Variants in SLC5A2 observed in about 807,000 individuals in gnomAD.
The protein encoded by SLC5A2 is sodium/glucose cotransporter 2.
SLC5A2 carries 67 observed loss-of-function variants against 69.0 expected under a neutral mutation model. The observed-to-expected ratio is 0.97, with a 90% CI of 0.80 to 1.19. The LOEUF (loss-of-function observed/expected upper bound fraction) is 1.19. Among genes scored for constraint, SLC5A2 ranks in the 50% most tolerant of loss-of-function variants. The pLI is 0.00. For synonymous variants in SLC5A2, 455 were observed against 395.8 expected, an observed-to-expected ratio of 1.15 and a Z score of -1.78; for missense variants, 1,001 against 921.5, an observed-to-expected ratio of 1.09 and a Z score of -1.12.
At position 31,488,053 on chromosome 16, in the gene SLC5A2, T is replaced by G; in HGVS notation, c.901T>G (p.Cys301Gly). 6.2e-7 allele frequency: 1 copy of G among 1,613,762 alleles called. No homozygotes were observed. Among genetic ancestry groups the G allele is most frequent in the Non-Finnish European group, 8.5e-7 (1 of 1,179,934 alleles). The change falls in exon 8 of 14, where the codon TGC becomes GGC. Residue 301 changes from cysteine to glycine, a missense_variant. By Grantham distance (159) the Cys-to-Gly change is radical. Transcript: ENST00000330498. ...WCSDQVIVQR[C>G]LAGKSLTHIK... is the part of the protein sequence containing the mutation. ...CCTCCCGTAGGTCATCGTGCAGCGC[T>G]GCCTGGCCGGGAAGAGCCTGACCCA...
chr16:31,486,041 G>A lies in SLC5A2; in HGVS notation c.469-129G>A, dbSNP rs565465676. ...AGAGCCTGCAATGAATGTCTCCGGG[G>A]CACCAGCTACAGTGCTGGGACCTGG... is the stretch of plus-strand genomic sequence containing the variant. On this transcript the variant is annotated intron_variant, in intron 4 of 13. Transcript: ENST00000330498. 7 of 1,185,742 alleles carry A rather than the reference G, an allele frequency of 5.9e-6. No individual in the cohort carries two copies. The Admixed American group carries it at 8.7e-5, about 15-fold the overall frequency. 73.5% of individuals were successfully genotyped at this position (1,185,742 alleles called of 1,614,324 possible). A position where few individuals can be genotyped will look rare whatever the true frequency, so the allele number is the denominator to read the frequency against.
Position 31,489,202 on chromosome 16 carries a change from G to C in SLC5A2, c.1529G>C (p.Ser510Thr), listed in dbSNP as rs1431779583. Residue 510 changes from serine (S) to threonine (T), a missense_variant, in exon 12 of 14, where the codon AGC (serine) becomes ACC (threonine). Transcript: ENST00000330498. ...LIPEFSFGSG[S>T]CVQPSACPAF... ...CCCGAGTTCTCCTTCGGCTCGGGCAGCTGTGTGCAGCCCTCGGCGTGCCCA... is the reference window on the plus strand; with the variant it reads ...CCCGAGTTCTCCTTCGGCTCGGGCACCTGTGTGCAGCCCTCGGCGTGCCCA... The C allele has an allele frequency of 6.2e-7, 1 of 1,610,242 alleles. No individual in the cohort carries two copies. Among genetic ancestry groups the C allele is most frequent in the East Asian group, 2.2e-5 (1 of 44,886 alleles).
At chr16:31,487,886 G>T in intron 7 of SLC5A2, 127 bp downstream of exon 7, 1 of 1,403,408 alleles carries the variant, frequency 7.1e-7, no homozygotes, top group Non-Finnish European at 9.7e-7. Context: ...CCCTCGGGTT[G>T]GTGCTAAACC....
intron 5 of SLC5A2, 31 bp downstream of exon 5, chr16:31,486,306 GC>G (rs1299788959): frequency 6.5e-7 from 1 of 1,530,012 alleles, no homozygotes; most frequent in Non-Finnish European, 9.1e-7. Context: ...AAGGGAGTGG[GC>G]CTGGGACACT....
intron 13 of SLC5A2, 37 bp from the exon 14 acceptor site, chr16:31,490,272 T>A (rs780719227): frequency 6.2e-7 from 1 of 1,613,790 alleles, no homozygotes; most frequent in South Asian, 1.1e-5. Context: ...GGAGCTGAGT[T>A]CCCGCAAACT....
In SLC5A2 at chr16:31,488,385, G is replaced by T. The variant is rs750695233; in HGVS notation, c.1024G>T (p.Glu342Ter). The T allele has an allele frequency of 1.2e-6, 2 of 1,611,164 alleles. No individual in the cohort carries two copies. The highest frequency in any genetic ancestry group is 1.3e-5 in the African/African-American group (1 of 74,936). ...GCGCGGTGGCCTCTCTCTGGCAGAC[G>T]AGGTGGCGTGCGTGGTGCCTGAGGT... Reference protein sequence around the residue: ...GMISRILYPDEVACVVPEVCR... With the variant: ...GMISRILYPD The change falls in exon 9 of 14, where the codon GAG becomes TAG. Residue 342 changes from glutamate to a stop codon, truncating the protein, a stop_gained and splice_region_variant. Transcript: ENST00000330498. LOFTEE classifies it high-confidence loss of function.
rs188105101 is a variant in SLC5A2 at position 31,487,663 on chromosome 16, C to T, written c.789C>T (p.Tyr263=). ...GCTATCGACCCCGGCCCGACTCCTA[C>T]CACCTGCTCCGGCACCCCGTGACCG... ...SFCYRPRPDS[Y]HLLRHPVTGD... is the part of the protein sequence containing the mutation. The change falls in exon 7 of 14, where the codon TAC becomes TAT. Residue 263 remains tyrosine, a synonymous_variant. Coordinates refer to ENST00000330498, the MANE Select transcript of SLC5A2 (RefSeq NM_003041.4). 3.9e-5 allele frequency: 63 copies of T among 1,613,774 alleles called. No individual in the cohort carries two copies. The African/African-American group carries it at 4.4e-4, about 11-fold the overall frequency.
At chr16:31,490,252 T>C in intron 13 of SLC5A2, 22 bp downstream of exon 13, 3 of 1,613,786 alleles carry the variant, frequency 1.9e-6, no homozygotes, top group Middle Eastern at 1.7e-4. Context: ...TGCTGGGAGG[T>C]GGGGCTGGAG....
intron 7 of SLC5A2, 90 bp downstream of exon 7, chr16:31,487,849 C>T (rs2082511324): frequency 6.9e-7 from 1 of 1,443,640 alleles, no homozygotes; most frequent in Non-Finnish European, 9.4e-7. Context: ...CCACAACGGT[C>T]TAAGGCGCAG....
chr16:31,483,563 C>T (rs1032415289), intron 1 of SLC5A2, among the ~76,000 whole-genome samples: 3 of 151,886 alleles, frequency 2.0e-5, no homozygotes, highest in African/African-American at 7.3e-5. Flanking sequence ...ATTCAAGGTC[C>T]CCAGGAAGGT....
In SLC5A2 at chr16:31,490,495, T is replaced by C; in HGVS notation, c.1979T>C (p.Met660Thr). 6.2e-7 allele frequency: 1 copy of C among 1,613,822 alleles called. No individual in the cohort carries two copies. The highest frequency in any genetic ancestry group is 1.1e-5 in the South Asian group (1 of 90,932). Residue 660 changes from methionine to threonine, a missense_variant, in exon 14 of 14, where the codon ATG (methionine) becomes ACG (threonine). Physicochemically the swap from Met to Thr is moderately conservative, Grantham distance 81. Coordinates refer to ENST00000330498, the MANE Select transcript of SLC5A2 (RefSeq NM_003041.4). ...ARVVNLNALL[M>T]MAVAVFLWGF... The stretch of plus-strand genomic sequence containing the variant: ...GTGGTCAACCTCAATGCCCTGCTCA[T>C]GATGGCAGTGGCCGTGTTCCTCTGG...
intron 10 of SLC5A2, 39 bp downstream of exon 10, chr16:31,488,811 C>T (rs1184840189): frequency 6.2e-7 from 1 of 1,600,842 alleles, no homozygotes; most frequent in African/African-American, 1.3e-5. Flanking sequence ...CGGATCAGCC[C>T]GGGGCGGGGG....
chr16:31,483,963 G>A (rs1346704256), intron 1 of SLC5A2, among the ~76,000 whole-genome samples: 2 of 152,094 alleles, frequency 1.3e-5, no homozygotes, highest in East Asian at 3.9e-4. Flanking sequence ...TGGTGTGTGT[G>A]CCTGTAGTCA....
intron 3 of SLC5A2, chr16:31,485,195 G>C: frequency 1.7e-6 from 1 of 576,152 alleles, no homozygotes; most frequent in South Asian, 2.0e-5. Context: ...TCTCTGAGTG[G>C]GGTGAGCAGC....
intron 1 of SLC5A2, among the ~76,000 whole-genome samples, chr16:31,484,110 G>C (rs953678783): frequency 2.0e-5 from 3 of 151,588 alleles, no homozygotes; most frequent in African/African-American, 7.3e-5. Flanking sequence ...ACAGATGTGG[G>C]GCTGGGTGCG....
intron 12 of SLC5A2, 172 bp from the exon 13 acceptor site, chr16:31,489,932 G>T: frequency 1.2e-6 from 1 of 828,194 alleles, no homozygotes. Flanking sequence ...TTTATCCCGA[G>T]GGCACAGGGC....
At chr16:31,485,948 G>T in intron 4 of SLC5A2, 55 bp downstream of exon 4, 1 of 1,588,426 alleles carries the variant, frequency 6.3e-7, no homozygotes. Flanking sequence ...CTCAAGTGGG[G>T]TCTCTAGAGA....
At chr16:31,488,538 T>C (rs771354955) in intron 9 of SLC5A2, 48 bp downstream of exon 9, 38 of 1,601,658 alleles carry the variant, frequency 2.4e-5, no homozygotes, top group Non-Finnish European at 3.0e-5. Flanking sequence ...CGGAGCCCGC[T>C]GCTGGGAGGG....
rs2082516361 is a variant in SLC5A2, at chr16:31,488,207, G to A, written c.1021+34G>A. The A allele has an allele frequency of 4.3e-6, 7 of 1,613,720 alleles. No individual in the cohort carries two copies. In the South Asian group the frequency reaches 4.4e-5, roughly 10 times the overall value. On this transcript the variant is annotated intron_variant, in intron 8 of 13. Transcript: ENST00000330498. ...CCTGCCCCGCCCCTTTCCTGTGCCA[G>A]CAACCGGGCGCCCGTCGCCCAGTTC... is the stretch of plus-strand genomic sequence containing the variant.
Sources: gnomAD v4.1 joint callset for allele counts (sites outside exome capture counted in the v4.1 genomes callset) on GRCh38, gnomAD v4.1.1 for gene constraint, MANE v1.5 for transcripts, NCBI Gene and HGNC (gene_info 2026-07-23, HGNC 2026-07-21) for gene names.